Variants in CYB5B observed in about 807,000 individuals in gnomAD.
CYB5B encodes cytochrome b5 type B (outer mitochondrial membrane).
CYB5B carries 14 observed loss-of-function variants against 21.3 expected under a neutral mutation model. The ratio of observed to expected loss-of-function variants is 0.66; its 90% CI spans 0.43 to 1.03. The LOEUF (loss-of-function observed/expected upper bound fraction) is 1.03, where lower values mean the gene tolerates loss of function less well. Among genes scored for constraint, CYB5B ranks in the 50% least tolerant of loss-of-function variants. The pLI, the probability that CYB5B is intolerant of heterozygous loss-of-function variation, is 0.00. For synonymous variants in CYB5B, 69 were observed against 68.4 expected, an observed-to-expected ratio of 1.01 and a Z score of -0.04; for missense variants, 166 against 185.1, an observed-to-expected ratio of 0.90 and a Z score of 0.60.
At chr16:69,447,022 C>T in intron 1 of CYB5B, 128 bp from the exon 2 acceptor site, 7 of 1,105,090 alleles carry the variant, frequency 6.3e-6, no homozygotes, top group Non-Finnish European at 9.0e-6. Context: ...TCCTGTCAGG[C>T]ACCACACAAT....
At chr16:69,439,789 A>G (rs1024951726) in intron 1 of CYB5B, among the ~76,000 whole-genome samples, 4 of 151,264 alleles carry the variant, frequency 2.6e-5, no homozygotes, top group African/African-American at 9.7e-5. Flanking sequence ...CTAGGGTCAA[A>G]TTCCCAACCT....
intron 1 of CYB5B, 137 bp downstream of exon 1, chr16:69,424,994 G>T: frequency 7.8e-6 from 7 of 895,486 alleles, no homozygotes; most frequent in Non-Finnish European, 1.1e-5. Context: ...CCCTCAGAGG[G>T]AAACTGGGGT....
chr16:69,452,970 G>A (rs943849294), intron 3 of CYB5B, among the ~76,000 whole-genome samples: 1 of 150,632 alleles, frequency 6.6e-6, no homozygotes, highest in Non-Finnish European at 1.5e-5. Flanking sequence ...ATGCACTCCA[G>A]CCTGGTGAGA....
At chr16:69,432,171 C>T (rs1192710712) in intron 1 of CYB5B, among the ~76,000 whole-genome samples, 1 of 152,024 alleles carries the variant, frequency 6.6e-6, no homozygotes, top group Non-Finnish European at 1.5e-5. Flanking sequence ...TGGATTTGAT[C>T]CAAAAGGTAA....
At chr16:69,446,075 C>CAT (rs1229330163) in intron 1 of CYB5B, among the ~76,000 whole-genome samples, 5 of 152,028 alleles carry the variant, frequency 3.3e-5, no homozygotes, top group Non-Finnish European at 4.4e-5. Context: ...TATAAATATG[C>CAT]ATATATATAT....
intron 1 of CYB5B, among the ~76,000 whole-genome samples, chr16:69,434,724 G>T (rs561262087): frequency 6.6e-6 from 1 of 152,268 alleles, no homozygotes; most frequent in Non-Finnish European, 1.5e-5. Context: ...TTAGCCACGT[G>T]TGGTGGCAGG....
rs2015074671 is a variant in CYB5B at position 69,465,022 on chromosome 16, AT to A, written c.*2503del. ...TAAAGTAGTATAGCACACTAGCCAA[AT>A]CCATCCAAAAGGACCTTTTTTTTAG... On this transcript the variant is annotated 3_prime_UTR_variant, in exon 5 of 5. Transcript: ENST00000307892. 1 of 152,288 alleles carries A rather than the reference AT, an allele frequency of 6.6e-6. No individual in the cohort carries two copies. The highest frequency in any genetic ancestry group is 2.1e-4 in the South Asian group (1 of 4,828). The allele number at this position is 152,288 out of a possible 1,614,324, so 9.4% of individuals were successfully genotyped here.
At chr16:69,460,493 C>A (rs868020333) in intron 4 of CYB5B, among the ~76,000 whole-genome samples, 5 of 152,158 alleles carry the variant, frequency 3.3e-5, no homozygotes, top group Middle Eastern at 6.8e-3. Flanking sequence ...CATACCTAAC[C>A]AGATTGGTAA....
chr16:69,425,975 A>T (rs1202213375), intron 1 of CYB5B, among the ~76,000 whole-genome samples: 1 of 152,252 alleles, frequency 6.6e-6, no homozygotes, highest in Non-Finnish European at 1.5e-5. Context: ...AATTCTAAAA[A>T]CTTTTAAAAT....
At chr16:69,458,923 C>G (rs560524293) in intron 3 of CYB5B, among the ~76,000 whole-genome samples, 170 bp from the exon 4 acceptor site, 1 of 152,198 alleles carries the variant, frequency 6.6e-6, no homozygotes, top group East Asian at 1.9e-4. Flanking sequence ...AAATAAAATT[C>G]CCAGTCTATC....
At chr16:69,437,957 T>C (rs1413032378) in intron 1 of CYB5B, among the ~76,000 whole-genome samples, 1 of 152,204 alleles carries the variant, frequency 6.6e-6, no homozygotes, top group Non-Finnish European at 1.5e-5. Context: ...AAGCATACAG[T>C]TCAATGGCAT....
intron 3 of CYB5B, chr16:69,448,428 G>T: frequency 2.6e-6 from 1 of 387,302 alleles, no homozygotes. Flanking sequence ...TTAGTTTATG[G>T]GTTCAGTTGT....
chr16:69,451,199 T>C (rs2014927715), intron 3 of CYB5B, among the ~76,000 whole-genome samples: 1 of 152,228 alleles, frequency 6.6e-6, no homozygotes, highest in Non-Finnish European at 1.5e-5. Context: ...TTAACCCTCA[T>C]GCTGAGAGCC....
chr16:69,460,803 C>G (rs1479449288), intron 4 of CYB5B, among the ~76,000 whole-genome samples: 1 of 152,008 alleles, frequency 6.6e-6, no homozygotes, highest in Non-Finnish European at 1.5e-5. Flanking sequence ...CAATGGAATA[C>G]TACAAAACAA....
intron 1 of CYB5B, among the ~76,000 whole-genome samples, chr16:69,434,249 T>G (rs908106436): frequency 1.3e-5 from 2 of 152,246 alleles, no homozygotes; most frequent in African/African-American, 4.8e-5. Flanking sequence ...ATACCAAAAT[T>G]TGTTTATCCA....
At chr16:69,461,425 T>G (rs1157011179) in intron 4 of CYB5B, among the ~76,000 whole-genome samples, 1 of 152,182 alleles carries the variant, frequency 6.6e-6, no homozygotes, top group Non-Finnish European at 1.5e-5. Context: ...TCTAAACTAG[T>G]CCAGAGTAGC....
chr16:69,433,513 T>C (rs375731936), intron 1 of CYB5B, among the ~76,000 whole-genome samples: 1 of 152,142 alleles, frequency 6.6e-6, no homozygotes, highest in Non-Finnish European at 1.5e-5. Context: ...GATCTTTCCA[T>C]AGCAATAACT....
intron 1 of CYB5B, among the ~76,000 whole-genome samples, chr16:69,425,084 C>G (rs1395060447): frequency 6.6e-6 from 1 of 152,138 alleles, no homozygotes. Flanking sequence ...TCATGTATTA[C>G]TTATGTGTCG....
chr16:69,439,423 A>G (rs1026494440), intron 1 of CYB5B, among the ~76,000 whole-genome samples: 5 of 151,978 alleles, frequency 3.3e-5, no homozygotes, highest in Non-Finnish European at 7.4e-5. Flanking sequence ...GTTGGCCAGG[A>G]TGGTCTGGAA....
Sources: allele counts gnomAD v4.1 joint callset (sites outside exome capture counted in the v4.1 genomes callset), GRCh38; gene constraint gnomAD v4.1.1; transcripts MANE v1.5; gene names NCBI Gene and HGNC (gene_info 2026-07-23, HGNC 2026-07-21).